APLP2: variants seen among roughly 807,000 people sequenced by gnomAD.
APLP2 encodes the protein CDEI box-binding protein.
A neutral mutation model predicts 89.9 loss-of-function variants in APLP2; 53 were observed. That is an observed-to-expected ratio of 0.59 (90% CI 0.47 to 0.74). APLP2 has a LOEUF of 0.74. Ranked by LOEUF, APLP2 falls within the 30% of genes least tolerant of loss-of-function variation. The pLI is 0.00. For synonymous variants in APLP2, 372 were observed against 348.6 expected (o/e 1.07, Z -0.75); for missense variants, 973 against 975.9 (o/e 1.00, Z 0.04).
At chr11:130,072,570 G>C (rs1376481308) in intron 1 of APLP2, among the ~76,000 whole-genome samples, 2 of 149,204 alleles carry the variant, frequency 1.3e-5, no homozygotes, top group African/African-American at 4.9e-5. Flanking sequence ...TCCGCCTTCC[G>C]AGTTCAAGCG....
intron 1 of APLP2, among the ~76,000 whole-genome samples, chr11:130,074,097 A>G (rs1478747965): frequency 6.6e-6 from 1 of 152,170 alleles, no homozygotes; most frequent in South Asian, 2.1e-4. Flanking sequence ...CATCAACCTA[A>G]TGAAATTTAA....
chr11:130,085,539 C>CT (rs1217548840), intron 1 of APLP2, among the ~76,000 whole-genome samples: 1 of 152,162 alleles, frequency 6.6e-6, no homozygotes, highest in Non-Finnish European at 1.5e-5. Context: ...GAGAATTCTA[C>CT]TAAACATTAA....
intron 5 of APLP2, 77 bp from the exon 6 acceptor site, chr11:130,122,228 G>C: frequency 2.0e-6 from 3 of 1,525,336 alleles, no homozygotes; most frequent in Non-Finnish European, 2.7e-6. Flanking sequence ...TTGTGTTTCA[G>C]AATAGAGAAG....
chr11:130,090,579 G>C (rs1944812227), intron 1 of APLP2, among the ~76,000 whole-genome samples: 1 of 151,780 alleles, frequency 6.6e-6, no homozygotes, highest in African/African-American at 2.4e-5. Flanking sequence ...CAGGGTTGGG[G>C]GTAAGGTCAC....
chr11:130,096,728 C>CA (rs936080727), intron 1 of APLP2, among the ~76,000 whole-genome samples: 1 of 151,972 alleles, frequency 6.6e-6, no homozygotes, highest in East Asian at 1.9e-4. Context: ...TAAAAAATAC[C>CA]AAAAAAGGTG....
At chr11:130,090,501 A>T (rs1223441821) in intron 1 of APLP2, among the ~76,000 whole-genome samples, 1 of 151,752 alleles carries the variant, frequency 6.6e-6, no homozygotes, top group South Asian at 2.1e-4. Context: ...TCTGTTTAAC[A>T]AAGCACATTT....
chr11:130,070,775 C>T (rs1940869164), intron 1 of APLP2: 1 of 1,388,138 alleles, frequency 7.2e-7, no homozygotes, highest in Non-Finnish European at 9.4e-7. Flanking sequence ...GTGAGGGTTT[C>T]AGTGAGTAGG....
chr11:130,077,094 C>G (rs1253823066), intron 1 of APLP2, among the ~76,000 whole-genome samples: 2 of 152,140 alleles, frequency 1.3e-5, no homozygotes, highest in African/African-American at 4.8e-5. Flanking sequence ...AGGGGCATTC[C>G]CTGTCTGGGA....
At chr11:130,115,073 C>A (rs1949016157) in intron 3 of APLP2, among the ~76,000 whole-genome samples, 2 of 152,152 alleles carry the variant, frequency 1.3e-5, no homozygotes, top group Admixed American at 1.3e-4. Flanking sequence ...TTCCCTGAAA[C>A]ATACCTGGGG....
At chr11:130,125,357 AG>A (rs1385497784) in intron 7 of APLP2, among the ~76,000 whole-genome samples, 1 of 151,766 alleles carries the variant, frequency 6.6e-6, no homozygotes, top group Non-Finnish European at 1.5e-5. Flanking sequence ...AGGCCTTTAT[AG>A]CACAGGCATG....
intron 1 of APLP2, among the ~76,000 whole-genome samples, chr11:130,091,084 C>T (rs866876920): frequency 1.7e-3 from 220 of 132,682 alleles, no homozygotes; most frequent in Middle Eastern, 9.7e-3. Context: ...GCTGGCCGGG[C>T]GGGGGGCTGA....
At chr11:130,137,189 C>T (rs910830015) in intron 13 of APLP2, 12 of 1,358,964 alleles carry the variant, frequency 8.8e-6, no homozygotes, top group Non-Finnish European at 1.2e-5. Context: ...TTAAAAGAAG[C>T]CATTTTCTTT....
chr11:130,103,005 A>G (rs954260192), intron 1 of APLP2, among the ~76,000 whole-genome samples: 2 of 152,170 alleles, frequency 1.3e-5, no homozygotes, highest in African/African-American at 4.8e-5. Context: ...TGGGGCATTA[A>G]TTTTTTTGGT....
At chr11:130,093,957 G>A (rs1326371067) in intron 1 of APLP2, among the ~76,000 whole-genome samples, 2 of 151,914 alleles carry the variant, frequency 1.3e-5, no homozygotes, top group African/African-American at 2.4e-5. Context: ...ATGTTAGCCA[G>A]GATGATCTTG....
At chr11:130,077,168 G>A (rs1029263618) in intron 1 of APLP2, among the ~76,000 whole-genome samples, 1 of 152,192 alleles carries the variant, frequency 6.6e-6, no homozygotes, top group Non-Finnish European at 1.5e-5. Flanking sequence ...TTATCTGTGG[G>A]TTAAAAGTTA....
At chr11:130,086,595 A>G (rs1944161633) in intron 1 of APLP2, among the ~76,000 whole-genome samples, 1 of 152,226 alleles carries the variant, frequency 6.6e-6, no homozygotes, top group Admixed American at 6.5e-5. Context: ...GTTGTGAAAT[A>G]TAATGTTATG....
chr11:130,070,609 A>T, intron 1 of APLP2: 1 of 1,400,456 alleles, frequency 7.1e-7, no homozygotes, highest in South Asian at 1.5e-5. Flanking sequence ...CGCGCGCGGC[A>T]GGGATGCTGC....
intron 13 of APLP2, among the ~76,000 whole-genome samples, chr11:130,137,915 C>T (rs530958031): frequency 6.6e-6 from 1 of 152,304 alleles, no homozygotes; most frequent in East Asian, 1.9e-4. Flanking sequence ...GCATTCTTGT[C>T]CCCATCTTAG....
At position 130,121,714 on chromosome 11, in the gene APLP2, CA is replaced by C. The variant is rs1191835279; in HGVS notation, c.620del (p.Lys207ArgfsTer109). On this transcript the variant is annotated frameshift_variant, in exon 5 of 17. Transcript: ENST00000338167. LOFTEE classifies it high-confidence loss of function. ...HGTEYVCCPQ[T>X]KIIGSVSKEE... is the part of the protein sequence containing the mutation. ...ACTGAATATGTGTGCTGCCCTCAGA[CA>C]AAGATTATTGGATCTGTGTCAAAAG... 6.2e-7 allele frequency: 1 copy of C among 1,613,676 alleles called. No homozygotes were observed. The highest frequency in any genetic ancestry group is 8.5e-7 in the Non-Finnish European group (1 of 1,179,996).
Sources: gnomAD v4.1 joint callset for allele counts (sites outside exome capture counted in the v4.1 genomes callset) on GRCh38, gnomAD v4.1.1 for gene constraint, MANE v1.5 for transcripts, NCBI Gene and HGNC (gene_info 2026-07-23, HGNC 2026-07-21) for gene names.